The following SSH2 variants were observed in gnomAD, a reference collection of about 807,000 sequenced individuals.
The protein encoded by SSH2 is protein phosphatase Slingshot homolog 2.
SSH2 carries 37 observed loss-of-function variants against 135.2 expected under a neutral mutation model. The ratio of observed to expected loss-of-function variants is 0.27; its 90% confidence interval spans 0.21 to 0.36. The LOEUF (loss-of-function observed/expected upper bound fraction) is 0.36, where lower values mean the gene tolerates loss of function less well. Ranked by LOEUF, SSH2 falls within the 10% of genes least tolerant of loss-of-function variation. SSH2 has a pLI of 1.00. For missense variants in SSH2, 1,408 were observed against 1,765.3 expected (o/e 0.80, Z 3.63); for synonymous variants, 628 against 646.2 (o/e 0.97, Z 0.43).
At chr17:29,677,241 C>T (rs1053427480) in intron 7 of SSH2, among the ~76,000 whole-genome samples, 2 of 116,378 alleles carry the variant, frequency 1.7e-5, no homozygotes, top group African/African-American at 6.7e-5. Flanking sequence ...ATCTTGGTCT[C>T]TTGGGGACAC....
intron 3 of SSH2, among the ~76,000 whole-genome samples, chr17:29,721,847 C>A (rs925134108): frequency 6.6e-6 from 1 of 152,154 alleles, no homozygotes; most frequent in African/African-American, 2.4e-5. Flanking sequence ...AAGTGAAACA[C>A]TATTACTAAC....
intron 3 of SSH2, among the ~76,000 whole-genome samples, chr17:29,727,913 G>A (rs938675416): frequency 6.6e-6 from 1 of 152,176 alleles, no homozygotes; most frequent in Non-Finnish European, 1.5e-5. Flanking sequence ...AGGCGCGATC[G>A]CTCACACCTG....
At chr17:29,876,784 G>C (rs986952471) in intron 1 of SSH2, among the ~76,000 whole-genome samples, 3 of 151,778 alleles carry the variant, frequency 2.0e-5, no homozygotes, top group Non-Finnish European at 2.9e-5. Flanking sequence ...AACATTGGGA[G>C]AACTCTCCAG....
At chr17:29,725,369 A>AAAAAAAAC (rs2039968218) in intron 3 of SSH2, among the ~76,000 whole-genome samples, 1 of 150,416 alleles carries the variant, frequency 6.6e-6, no homozygotes. Context: ...AAAAAAAAAA[A>AAAAAAAAC]GCCAGGGAAT....
intron 4 of SSH2, among the ~76,000 whole-genome samples, chr17:29,700,439 C>T: frequency 6.6e-6 from 1 of 152,128 alleles, no homozygotes; most frequent in East Asian, 1.9e-4. Context: ...TCTTTTAAAA[C>T]CTCATCATCA....
intron 1 of SSH2, among the ~76,000 whole-genome samples, chr17:29,878,626 A>C (rs1300439947): frequency 1.3e-5 from 2 of 152,218 alleles, no homozygotes; most frequent in Non-Finnish European, 2.9e-5. Flanking sequence ...ATAGACTACA[A>C]ATCTCCCTTA....
chr17:29,671,170 A>T lies in SSH2; in HGVS notation c.809+765T>A, dbSNP rs12451537. 5.1e-3 allele frequency among the ~76,000 whole-genome samples: 769 copies of T among 152,066 alleles called. 23 individuals carry two copies. The highest frequency in any genetic ancestry group is 0.045 in the Admixed American group (694 of 15,278). On this transcript the variant is annotated intron_variant, in intron 9 of 15. Coordinates refer to ENST00000540801, the MANE Select transcript of SSH2 (RefSeq NM_001282129.2). ...ATGACATCTGAATGATAAAATATTT[A>T]AAAAAAATTTTTTAAGTTAAAAATT... is the stretch of plus-strand genomic sequence containing the variant.
chr17:29,673,938 T>A (rs2037601108), intron 8 of SSH2: 1 of 315,824 alleles, frequency 3.2e-6, no homozygotes, highest in Non-Finnish European at 6.4e-6. Flanking sequence ...GTTTTTTATT[T>A]TTTGCTATTA....
intron 2 of SSH2, among the ~76,000 whole-genome samples, chr17:29,847,496 G>C (rs1423280486): frequency 9.2e-5 from 14 of 152,130 alleles, no homozygotes; most frequent in Admixed American, 9.2e-4. Flanking sequence ...GAGGGAGGGT[G>C]GTGCTCAATA....
At chr17:29,748,611 GAAGAC>G (rs2040834042) in intron 3 of SSH2, among the ~76,000 whole-genome samples, 1 of 151,974 alleles carries the variant, frequency 6.6e-6, no homozygotes, top group South Asian at 2.1e-4. Context: ...CATTTCTGTA[GAAGAC>G]AAGATCTAGA....
At chr17:29,826,561 T>G (rs1014445203) in intron 2 of SSH2, among the ~76,000 whole-genome samples, 10 of 152,186 alleles carry the variant, frequency 6.6e-5, no homozygotes, top group African/African-American at 2.2e-4. Context: ...GCATTGATGT[T>G]ATTAGGTCTT....
chr17:29,759,956 T>C (rs967564488), intron 3 of SSH2, among the ~76,000 whole-genome samples: 2 of 152,178 alleles, frequency 1.3e-5, no homozygotes, highest in Admixed American at 6.5e-5. Context: ...AGACGGAAAA[T>C]GCAAGTCAGT....
intron 11 of SSH2, among the ~76,000 whole-genome samples, chr17:29,658,957 T>C (rs2036908334): frequency 6.6e-6 from 1 of 151,988 alleles, no homozygotes; most frequent in Non-Finnish European, 1.5e-5. Flanking sequence ...TTTTCATTAG[T>C]TTCTGATTTA....
intron 2 of SSH2, among the ~76,000 whole-genome samples, chr17:29,840,380 G>C (rs1187288444): frequency 2.0e-5 from 3 of 152,178 alleles, no homozygotes; most frequent in African/African-American, 7.2e-5. Context: ...GCACAGGAGA[G>C]CATGGTGTGT....
chr17:29,631,065 A>G lies in SSH2; in HGVS notation c.4129T>C (p.Phe1377Leu), dbSNP rs748907435. The change falls in exon 16 of 16, where the codon TTT becomes CTT. Residue 1377 changes from phenylalanine to leucine, a missense_variant. By Grantham distance (22) the Phe-to-Leu change is conservative. Around this residue, in one of 3 missense-constraint regions of SSH2, gnomAD observed 1,080 missense variants for 1,144.5 expected, o/e 0.94. Coordinates refer to ENST00000540801, the MANE Select transcript of SSH2 (RefSeq NM_001282129.2). The part of the protein sequence containing the change: ...ERPLVQYAKE[F>L]GSSQQYLLPR... ...AGCAAATACTGCTGACTAGAACCAAATTCTTTGGCATACTGCACAAGGGGC... is the reference window on the plus strand; with the variant it reads ...AGCAAATACTGCTGACTAGAACCAAGTTCTTTGGCATACTGCACAAGGGGC... 1.9e-6 allele frequency: 3 copies of G among 1,614,030 alleles called. No homozygotes were observed. In the African/African-American group the frequency reaches 4.0e-5, roughly 22 times the overall value.
chr17:29,710,319 CTG>C (rs1219356300), intron 3 of SSH2, among the ~76,000 whole-genome samples: 1 of 152,128 alleles, frequency 6.6e-6, no homozygotes, highest in African/African-American at 2.4e-5. Context: ...ATGCCAAACT[CTG>C]GAGTTGGTTT....
chr17:29,630,820 G>C lies in SSH2; in HGVS notation c.*21C>G. The C allele has an allele frequency of 6.6e-7, 1 of 1,513,930 alleles. No individual in the cohort carries two copies. Among genetic ancestry groups the C allele is most frequent in the Non-Finnish European group, 8.9e-7 (1 of 1,129,876 alleles). The allele number at this position is 1,513,930 out of a possible 1,614,324, so 93.8% of individuals were successfully genotyped here. On this transcript the variant is annotated 3_prime_UTR_variant, in exon 16 of 16. Transcript: ENST00000540801. The stretch of plus-strand genomic sequence containing the variant: ...CTTTTACAAACATTTCTTCTAGAAA[G>C]TCACATGTGTAGGCTCAGAATCACA...
chr17:29,887,236 C>T (rs892333321), intron 1 of SSH2, among the ~76,000 whole-genome samples: 1 of 151,592 alleles, frequency 6.6e-6, no homozygotes, highest in Non-Finnish European at 1.5e-5. Context: ...GCATAGAACA[C>T]AATAAAAAAA....
intron 2 of SSH2, among the ~76,000 whole-genome samples, chr17:29,807,140 G>T (rs574149757): frequency 5.9e-5 from 9 of 152,204 alleles, no homozygotes; most frequent in Non-Finnish European, 1.0e-4. Flanking sequence ...AACATGTAAA[G>T]AAGGATAATG....
Sources: gnomAD v4.1 joint callset for allele counts (sites outside exome capture counted in the v4.1 genomes callset) on GRCh38, gnomAD v4.1.1 for gene constraint, gnomAD v4.1.1 regional missense constraint, MANE v1.5 for transcripts, NCBI Gene and HGNC (gene_info 2026-07-23, HGNC 2026-07-21) for gene names.